FAT4: variants seen among roughly 807,000 people sequenced by gnomAD.
FAT4 encodes the protein protocadherin Fat 4.
A neutral mutation model predicts 303.9 loss-of-function variants in FAT4; 84 were observed. The ratio of observed to expected loss-of-function variants is 0.28; its 90% CI spans 0.23 to 0.33. FAT4 has a LOEUF of 0.33. Among genes scored for constraint, FAT4 ranks in the 10% least tolerant of loss-of-function variants. The pLI is 1.00. For missense variants in FAT4, 6,005 were observed against 6,146.8 expected, an observed-to-expected ratio of 0.98 and a Z score of 0.77; for synonymous variants, 2,307 against 2,298.8, an observed-to-expected ratio of 1.00 and a Z score of -0.10.
chr4:125,424,552 C>T (rs1263075990), intron 7 of FAT4, among the ~76,000 whole-genome samples: 12 of 152,174 alleles, frequency 7.9e-5, no homozygotes, highest in Non-Finnish European at 1.8e-4. Flanking sequence ...GGGATTAACA[C>T]AGTCAGTGAG....
chr4:125,426,613 A>C (rs1431046609), intron 7 of FAT4, among the ~76,000 whole-genome samples: 1 of 152,066 alleles, frequency 6.6e-6, no homozygotes, highest in Non-Finnish European at 1.5e-5. Flanking sequence ...AGAAAAAAAT[A>C]TTTCTACATA....
intron 7 of FAT4, among the ~76,000 whole-genome samples, chr4:125,430,134 C>T (rs1725233234): frequency 6.8e-6 from 1 of 146,092 alleles, no homozygotes; most frequent in African/African-American, 2.6e-5. Flanking sequence ...ACGTTGTGCA[C>T]ATGTACCCTA....
At chr4:125,458,199 T>C (rs1438486253) in intron 10 of FAT4, among the ~76,000 whole-genome samples, 1 of 152,104 alleles carries the variant, frequency 6.6e-6, no homozygotes, top group African/African-American at 2.4e-5. Context: ...GAAGTTTTCC[T>C]ATGTTCTCAA....
chr4:125,359,497 T>C (rs2125983911), intron 2 of FAT4, among the ~76,000 whole-genome samples: 1 of 152,326 alleles, frequency 6.6e-6, no homozygotes, highest in East Asian at 1.9e-4. Context: ...TAATTCGCTG[T>C]GATTTATAAT....
At position 125,321,503 on chromosome 4, in the gene FAT4, C is replaced by A. The variant is rs755643759; in HGVS notation, c.5092C>A (p.Arg1698=). The A allele has an allele frequency of 6.2e-7, 1 of 1,613,878 alleles. No homozygotes were observed. The highest frequency in any genetic ancestry group is 2.2e-5 in the East Asian group (1 of 44,872). The change falls in exon 2 of 18, where the codon CGG becomes AGG. Residue 1698 remains arginine (R), a synonymous_variant. Coordinates refer to ENST00000394329, the MANE Select transcript of FAT4 (RefSeq NM_001291303.3). The part of the protein sequence containing the change: ...GIIQTAAILD[R]EQGACLYLVD... ...AATTCAGACCGCAGCCATTCTGGAC[C>A]GGGAGCAAGGAGCATGTCTTTACCT... is the stretch of plus-strand genomic sequence containing the variant.
intron 7 of FAT4, among the ~76,000 whole-genome samples, chr4:125,425,871 T>C (rs566641831): frequency 2.0e-4 from 31 of 152,224 alleles, no homozygotes; most frequent in African/African-American, 7.2e-4. Flanking sequence ...TCAGCATAAA[T>C]AGTAGGTCTT....
chr4:125,449,316 A>T lies in FAT4; in HGVS notation c.8306A>T (p.Asn2769Ile). 6.2e-7 allele frequency: 1 copy of T among 1,613,956 alleles called. No homozygotes were observed. Reference protein sequence around the residue: ...VKVMINILDENDNAPRFSQIF... With the variant: ...VKVMINILDEIDNAPRFSQIF... Reference sequence around the variant, plus strand: ...GTCATGATTAACATTTTAGATGAAAATGATAATGCCCCTAGGTTTTCTCAG... The same window carrying T: ...GTCATGATTAACATTTTAGATGAAATTGATAATGCCCCTAGGTTTTCTCAG... The change falls in exon 10 of 18, where the codon AAT becomes ATT. Residue 2769 changes from asparagine to isoleucine, a missense_variant. Transcript: ENST00000394329.
intron 17 of FAT4, 66 bp from the exon 18 acceptor site, chr4:125,489,835 G>A (rs1167173114): frequency 8.6e-7 from 1 of 1,167,954 alleles, no homozygotes; most frequent in East Asian, 2.6e-5. Flanking sequence ...ACCCAGCAGT[G>A]TAGTATAAGC....
At chr4:125,401,189 T>G (rs1207431050) in intron 3 of FAT4, among the ~76,000 whole-genome samples, 1 of 152,188 alleles carries the variant, frequency 6.6e-6, no homozygotes, top group African/African-American at 2.4e-5. Flanking sequence ...TTTTAATAAC[T>G]GCTGACTGAC....
intron 2 of FAT4, among the ~76,000 whole-genome samples, chr4:125,358,539 G>C (rs1732524602): frequency 6.6e-6 from 1 of 152,002 alleles, no homozygotes; most frequent in Admixed American, 6.6e-5. Context: ...TCCCTCACAT[G>C]CGCACTTCAC....
At chr4:125,393,637 C>G (rs148097157) in intron 2 of FAT4, among the ~76,000 whole-genome samples, 1 of 152,096 alleles carries the variant, frequency 6.6e-6, no homozygotes, top group Admixed American at 6.6e-5. Flanking sequence ...GCACTATTCC[C>G]ACAGAAATAT....
At chr4:125,476,949 T>C (rs1727049249) in intron 13 of FAT4, among the ~76,000 whole-genome samples, 1 of 151,990 alleles carries the variant, frequency 6.6e-6, no homozygotes, top group South Asian at 2.1e-4. Context: ...AAAACATAAT[T>C]TCCATAAATA....
rs1730586913 is a variant in FAT4 at position 125,316,391 on chromosome 4, T to G, written c.-12-9T>G. The G allele has an allele frequency of 6.4e-7, 1 of 1,573,636 alleles. No individual in the cohort carries two copies. The highest frequency in any genetic ancestry group is 1.4e-5 in the African/African-American group (1 of 73,600). On this transcript the variant is annotated splice_polypyrimidine_tract_variant and intron_variant, in intron 1 of 17. Transcript: ENST00000394329. The surrounding 1 kb of genome is among the most constrained non-coding windows in gnomAD (Gnocchi z 5.7). ...TCACCCCTTCCTTCTCTTTATCACA[T>G]CGTTTTAGGGAGCCAGGACCATGGA...
intron 7 of FAT4, among the ~76,000 whole-genome samples, chr4:125,432,202 C>G (rs1250347760): frequency 6.6e-6 from 1 of 152,116 alleles, no homozygotes; most frequent in African/African-American, 2.4e-5. Context: ...AGCACTGTTC[C>G]CCCTACTGGC....
Position 125,487,566 on chromosome 4 carries a change from A to G in FAT4, c.13044A>G (p.Gly4348=), listed in dbSNP as rs370206406. 6.2e-7 allele frequency: 1 copy of G among 1,613,102 alleles called. No individual in the cohort carries two copies. The highest frequency in any genetic ancestry group is 1.7e-5 in the Admixed American group (1 of 59,944). The change falls in exon 17 of 18, where the codon GGA becomes GGG. Residue 4348 remains glycine, a synonymous_variant. Transcript: ENST00000394329. ...GGLDVLTISL[G]GIPPNQAHRD... ...TTGATGTGCTTACTATATCACTTGG[A>G]GGAATTCCACCCAATCAAGCACATC...
At position 125,489,959 on chromosome 4, in the gene FAT4, C is replaced by T. The variant is rs755894084; in HGVS notation, c.13143C>T (p.Ser4381=). The T allele has an allele frequency of 1.7e-5, 27 of 1,602,112 alleles. No individual in the cohort carries two copies. The African/African-American group carries it at 2.4e-4, about 14-fold the overall frequency. ...MWYGGESLPF[S]GKHSLASISK... is the part of the protein sequence containing the mutation. ...ATGGTGGAGAAAGTCTTCCTTTCAG[C>T]GGGAAGCATAGCTTGGCCTCCATCT... The change falls in exon 18 of 18, where the codon AGC becomes AGT. Residue 4381 remains serine, a synonymous_variant. Coordinates refer to ENST00000394329, the MANE Select transcript of FAT4 (RefSeq NM_001291303.3).
intron 2 of FAT4, among the ~76,000 whole-genome samples, chr4:125,356,002 A>G (rs1057333318): frequency 6.6e-6 from 1 of 151,912 alleles, no homozygotes; most frequent in Non-Finnish European, 1.5e-5. Context: ...TTCTGTCGGC[A>G]GTGTATCACA....
Position 125,479,744 on chromosome 4 carries a change from C to T in FAT4, c.12483C>T (p.Cys4161=). ...ALAAQGILDQ[C]PRLEGACTRS... is the part of the protein sequence containing the mutation. ...TTCTCATTATGATTTATTTTAGATG[C>T]CCTAGGCTGGAAGGCGCTTGTACTC... Residue 4161 remains cysteine, a synonymous_variant, in exon 15 of 18, where the codon TGC becomes TGT. Transcript: ENST00000394329. 1 of 1,590,110 alleles carries T rather than the reference C, an allele frequency of 6.3e-7. No homozygotes were observed. Among genetic ancestry groups the T allele is most frequent in the Non-Finnish European group, 8.6e-7 (1 of 1,163,306 alleles).
intron 2 of FAT4, among the ~76,000 whole-genome samples, chr4:125,361,907 A>G (rs1732687912): frequency 6.6e-6 from 1 of 152,140 alleles, no homozygotes; most frequent in South Asian, 2.1e-4. Flanking sequence ...GAGCAATGGG[A>G]CAAAATGACT....
Sources: allele counts gnomAD v4.1 joint callset (sites outside exome capture counted in the v4.1 genomes callset), GRCh38; gene constraint gnomAD v4.1.1; non-coding constraint Gnocchi (gnomAD v3.1); transcripts MANE v1.5; gene names NCBI Gene and HGNC (gene_info 2026-07-23, HGNC 2026-07-21).